Variants in TTC39C observed in about 807,000 individuals in gnomAD.
The protein encoded by TTC39C is tetratricopeptide repeat domain 39C, also known as tetratricopeptide repeat protein 39C.
A neutral mutation model predicts 76.3 loss-of-function variants in TTC39C; 33 were observed. The observed-to-expected ratio is 0.43, with a 90% confidence interval of 0.33 to 0.58. TTC39C has a LOEUF of 0.58. TTC39C is among the 20% of genes least tolerant of loss of function. The probability of loss-of-function intolerance (pLI) is 0.04; values close to 1 mark genes in which losing one functional copy is unlikely to be tolerated. For missense variants in TTC39C, 595 were observed against 701.4 expected, an observed-to-expected ratio of 0.85 and a Z score of 1.71; for synonymous variants, 254 against 260.6, an observed-to-expected ratio of 0.97 and a Z score of 0.24.
chr18:24,107,486 C>T (rs545404251), intron 6 of TTC39C, among the ~76,000 whole-genome samples: 20 of 152,256 alleles, frequency 1.3e-4, no homozygotes, highest in Non-Finnish European at 2.4e-4. Flanking sequence ...AATTGAATCA[C>T]GGGGGCAGTT....
chr18:24,000,355 G>A (rs1375647287), intron 1 of TTC39C: 1 of 152,178 alleles, frequency 6.6e-6, no homozygotes, highest in Non-Finnish European at 1.5e-5. Flanking sequence ...GGGAAGGCAA[G>A]GTAAAGAGAC....
At chr18:24,019,952 C>G (rs779600829) in intron 1 of TTC39C, 5 of 1,503,482 alleles carry the variant, frequency 3.3e-6, no homozygotes, top group Non-Finnish European at 3.5e-6. Context: ...GCCTCTGAGC[C>G]TCTTCTCTGC....
At chr18:24,103,635 A>T (rs1319496738) in intron 6 of TTC39C, among the ~76,000 whole-genome samples, 2 of 152,116 alleles carry the variant, frequency 1.3e-5, no homozygotes, top group Non-Finnish European at 2.9e-5. Flanking sequence ...TTGGAGAGTC[A>T]CTTTCTTATA....
intron 1 of TTC39C, among the ~76,000 whole-genome samples, chr18:24,017,816 C>A (rs2083472108): frequency 6.6e-6 from 1 of 152,168 alleles, no homozygotes; most frequent in East Asian, 1.9e-4. Context: ...CCTTCCTCTA[C>A]TAGTAAACCT....
chr18:24,131,832 C>T (rs751799989), intron 12 of TTC39C, 50 bp from the exon 13 acceptor site: 4 of 1,545,104 alleles, frequency 2.6e-6, no homozygotes, highest in Non-Finnish European at 2.7e-6. Flanking sequence ...CATTTTCTGC[C>T]TGCGTATATA....
At chr18:24,021,749 T>G (rs1009190873) in intron 1 of TTC39C, among the ~76,000 whole-genome samples, 2 of 152,174 alleles carry the variant, frequency 1.3e-5, no homozygotes, top group Non-Finnish European at 2.9e-5. Flanking sequence ...TCTTCCTTCT[T>G]GCTCAATAAT....
At chr18:24,020,409 TACAAGAA>T in intron 1 of TTC39C, 3 of 635,374 alleles carry the variant, frequency 4.7e-6, no homozygotes, top group Non-Finnish European at 5.9e-6. Flanking sequence ...TGTACAAGTG[TACAAGAA>T]ACACTTGTAC....
At chr18:24,007,882 A>G (rs2145632240) in intron 1 of TTC39C, among the ~76,000 whole-genome samples, 1 of 46,864 alleles carries the variant, frequency 2.1e-5, no homozygotes, top group Non-Finnish European at 3.9e-5. Context: ...ATGTGAACAG[A>G]AGGACACACT....
In TTC39C at chr18:24,071,964, ATG is replaced by A. The variant is rs1401470648; in HGVS notation, c.460+2695_460+2696del. On this transcript the variant is annotated intron_variant, in intron 4 of 13. Coordinates refer to ENST00000317571, the MANE Select transcript of TTC39C (RefSeq NM_001135993.2). ...GAAAGCCTCAGCTTGTCATAAACTT[ATG>A]TAGTGGTTATTTGCTTTGTGAATAG... Among the ~76,000 whole-genome samples, 18 of 152,354 alleles carry A rather than the reference ATG, an allele frequency of 1.2e-4. No homozygotes were observed. The East Asian group carries it at 2.9e-3, about 24-fold the overall frequency.
chr18:24,051,575 A>T (rs1206896339), intron 1 of TTC39C, among the ~76,000 whole-genome samples: 2 of 152,206 alleles, frequency 1.3e-5, no homozygotes, highest in Non-Finnish European at 2.9e-5. Flanking sequence ...TTTGTGAATC[A>T]AACACTCATA....
At chr18:24,083,759 TCTC>T (rs35841594) in intron 6 of TTC39C, among the ~76,000 whole-genome samples, 114,177 of 151,834 alleles carry the variant, frequency 0.75, 45,516 homozygotes, top group Non-Finnish European at 0.89. Context: ...GGAGTCTACT[TCTC>T]CTTTGCATAT....
intron 6 of TTC39C, chr18:24,114,297 A>G: frequency 2.9e-6 from 1 of 343,358 alleles, no homozygotes; most frequent in Non-Finnish European, 5.2e-6. Context: ...TGAGCAAAGG[A>G]GAGAACGCTG....
intron 1 of TTC39C, among the ~76,000 whole-genome samples, chr18:24,047,900 A>G (rs1023541216): frequency 6.6e-5 from 10 of 152,204 alleles, no homozygotes; most frequent in Non-Finnish European, 8.8e-5. Flanking sequence ...GTATCGAAAC[A>G]TTTTGTGTGC....
chr18:24,057,942 G>C (rs1055820602), intron 1 of TTC39C, among the ~76,000 whole-genome samples: 4 of 152,204 alleles, frequency 2.6e-5, no homozygotes, highest in African/African-American at 9.7e-5. Context: ...ACTGGATAAA[G>C]AAAATGTGGT....
rs558870482 is a variant in TTC39C, at chr18:24,019,446, A to G, written c.167+4408A>G. 7.2e-5 allele frequency among the ~76,000 whole-genome samples: 11 copies of G among 152,362 alleles called. No homozygotes were observed. In the East Asian group the frequency reaches 2.1e-3, roughly 29 times the overall value. On this transcript the variant is annotated intron_variant, in intron 1 of 13. Transcript: ENST00000317571. ...ATTGTGACACTTCCTTTTCCATTTT[A>G]AACTATAAAATGGCGAAAATGTATT...
At chr18:24,065,555 A>T (rs1379716860) in intron 2 of TTC39C, among the ~76,000 whole-genome samples, 1 of 152,254 alleles carries the variant, frequency 6.6e-6, no homozygotes, top group African/African-American at 2.4e-5. Context: ...CTGGAATTGC[A>T]GTCCCTGGAA....
At chr18:24,039,552 A>C (rs1324847865) in intron 1 of TTC39C, among the ~76,000 whole-genome samples, 1 of 152,168 alleles carries the variant, frequency 6.6e-6, no homozygotes, top group East Asian at 1.9e-4. Context: ...CGTTGGTCTC[A>C]AACTCCTGGC....
intron 1 of TTC39C, among the ~76,000 whole-genome samples, chr18:24,053,201 C>T (rs2083974264): frequency 6.6e-6 from 1 of 152,188 alleles, no homozygotes; most frequent in East Asian, 1.9e-4. Context: ...AAACCATTTC[C>T]CATTTTATTT....
chr18:24,099,005 A>ATATG (rs1555775979), intron 6 of TTC39C, among the ~76,000 whole-genome samples: 11 of 130,726 alleles, frequency 8.4e-5, no homozygotes, highest in Non-Finnish European at 1.4e-4. Flanking sequence ...AGTTAGAGGA[A>ATATG]TGTGTGTGTG....
Sources: allele counts gnomAD v4.1 joint callset (sites outside exome capture counted in the v4.1 genomes callset), GRCh38; gene constraint gnomAD v4.1.1; transcripts MANE v1.5; gene names NCBI Gene and HGNC (gene_info 2026-07-23, HGNC 2026-07-21).